The following PRSS55 variants were observed in gnomAD, a reference collection of about 807,000 sequenced individuals.
The protein encoded by PRSS55 is probable serine protease UNQ9391/PRO34284.
PRSS55 carries 41 observed loss-of-function variants against 23.6 expected under a neutral mutation model. The observed-to-expected ratio is 1.74, with a 90% CI of 1.35 to 2.26. The LOEUF is 2.26. PRSS55 is among the 30% of genes most tolerant of loss of function. The pLI, the probability that PRSS55 is intolerant of heterozygous loss-of-function variation, is 0.00. For synonymous variants in PRSS55, 262 were observed against 175.5 expected (o/e 1.49, Z -3.90); for missense variants, 669 against 439.1 (o/e 1.52, Z -4.68).
At chr8:10,534,369 G>T (rs991308966) in intron 4 of PRSS55, among the ~76,000 whole-genome samples, 9 of 152,156 alleles carry the variant, frequency 5.9e-5, no homozygotes, top group African/African-American at 2.2e-4. Context: ...AACATTAACT[G>T]TCCTCCCTGA....
In PRSS55 at chr8:10,532,943, G is replaced by T; in HGVS notation, c.636G>T (p.Ala212=). 1 of 1,614,202 alleles carries T rather than the reference G, an allele frequency of 6.2e-7. No homozygotes were observed. ...KNSVKTDLMK[A]PMVIMDWEEC... ...CTGTGAAAACGGATCTGATGAAAGC[G>T]CCAATGGTCATCATGGACTGGGAGG... Residue 212 remains alanine, a synonymous_variant, in exon 4 of 5, where the codon GCG becomes GCT. Transcript: ENST00000328655.
intron 4 of PRSS55, among the ~76,000 whole-genome samples, chr8:10,534,856 A>G (rs531040417): frequency 6.6e-6 from 1 of 152,338 alleles, no homozygotes; most frequent in Admixed American, 6.5e-5. Context: ...CTGATAAGCA[A>G]CTTCAGCAAA....
intron 4 of PRSS55, among the ~76,000 whole-genome samples, chr8:10,549,721 C>T (rs1455372462): frequency 6.6e-6 from 1 of 152,174 alleles, no homozygotes. Flanking sequence ...GTCTCTCCCC[C>T]TGACTTTGGA....
downstream of PRSS55, chr8:10,540,249 C>T (rs922320169): frequency 1.3e-5 from 2 of 152,302 alleles, no homozygotes; most frequent in Non-Finnish European, 2.9e-5. Context: ...CTGTCTTCCC[C>T]TCATGTAGAC....
chr8:10,549,928 T>C (rs1307185562), intron 4 of PRSS55, among the ~76,000 whole-genome samples: 4 of 152,220 alleles, frequency 2.6e-5, no homozygotes, highest in African/African-American at 7.2e-5. Flanking sequence ...TTATCTTTTA[T>C]TTTTAATTTT....
intron 4 of PRSS55, among the ~76,000 whole-genome samples, chr8:10,536,782 C>T (rs781008697): frequency 6.6e-6 from 1 of 152,190 alleles, no homozygotes; most frequent in Non-Finnish European, 1.5e-5. Context: ...CCAAATATCG[C>T]ATGTTCTCAC....
At chr8:10,543,949 C>G (rs1252805068) in intron 4 of PRSS55, among the ~76,000 whole-genome samples, 1 of 152,156 alleles carries the variant, frequency 6.6e-6, no homozygotes, top group Non-Finnish European at 1.5e-5. Flanking sequence ...AGAATATGAT[C>G]TATCCTAAAG....
At chr8:10,535,171 C>T (rs1392232232) in intron 4 of PRSS55, among the ~76,000 whole-genome samples, 1 of 152,132 alleles carries the variant, frequency 6.6e-6, no homozygotes, top group Non-Finnish European at 1.5e-5. Context: ...AATACTATCC[C>T]TATCAAACTA....
At chr8:10,531,662 G>A in intron 3 of PRSS55, 117 bp downstream of exon 3, 1 of 1,421,612 alleles carries the variant, frequency 7.0e-7, no homozygotes, top group South Asian at 1.4e-5. Context: ...CCGCTCAGTG[G>A]AGTCTCACAG....
chr8:10,540,176 G>A (rs73195186), downstream of PRSS55: 2,698 of 152,456 alleles, frequency 0.018, 32 homozygotes, highest in Non-Finnish European at 0.027. Context: ...CCTGCAGCAT[G>A]CAACTGCACG....
chr8:10,526,490 G>A (rs1372413799), intron 1 of PRSS55, among the ~76,000 whole-genome samples: 1 of 152,246 alleles, frequency 6.6e-6, no homozygotes, highest in Non-Finnish European at 1.5e-5. Flanking sequence ...ACTGCACTCT[G>A]TGTGAACAAG....
downstream of PRSS55, chr8:10,538,830 G>T (rs774036352): frequency 3.3e-6 from 5 of 1,505,994 alleles, no homozygotes; most frequent in Non-Finnish European, 4.4e-6. Context: ...CCGAGGGAGG[G>T]TGCATGCAAG....
Position 10,538,655 on chromosome 8 carries a change from T to C in PRSS55, c.921T>C (p.Asn307=), listed in dbSNP as rs773195990. 1.2e-6 allele frequency: 2 copies of C among 1,613,956 alleles called. No individual in the cohort carries two copies. Among genetic ancestry groups the C allele is most frequent in the Admixed American group, 1.7e-5 (1 of 60,004 alleles). ...KVTQLEGRPF[N]AEKRRTSVKQ... ...CCCAGCTAGAGGGCAGGCCCTTCAA[T>C]GCAGAGAAAAGGAGGACTTCTGTCA... The change falls in exon 5 of 5, where the codon AAT becomes AAC. Residue 307 remains asparagine (N), a synonymous_variant. Transcript: ENST00000328655.
At chr8:10,543,002 C>G (rs1173797334), downstream of PRSS55, among the ~76,000 whole-genome samples, 1 of 152,012 alleles carries the variant, frequency 6.6e-6, no homozygotes, top group Non-Finnish European at 1.5e-5. Context: ...GGGGAACCCT[C>G]TTCCTTATTG....
intron 2 of PRSS55, among the ~76,000 whole-genome samples, chr8:10,530,853 G>C (rs1009051725): frequency 3.3e-5 from 5 of 152,136 alleles, no homozygotes; most frequent in Non-Finnish European, 7.3e-5. Context: ...CTTGGTCAGT[G>C]GCAGGTCTAG....
At chr8:10,532,338 T>G (rs186654513) in intron 3 of PRSS55, among the ~76,000 whole-genome samples, 29 of 152,264 alleles carry the variant, frequency 1.9e-4, no homozygotes, top group African/African-American at 6.7e-4. Context: ...GGAAGAAATG[T>G]GAAATCTCTT....
chr8:10,529,742 ACCCCTGGGGCACCCT>A (rs1319040266), intron 2 of PRSS55, 43 bp downstream of exon 2: 24 of 1,563,794 alleles, frequency 1.5e-5, no homozygotes, highest in Non-Finnish European at 1.7e-5. Flanking sequence ...CAGGGCGCCC[ACCCCTGGGGCACCCT>A]CCCCCTCACC....
downstream of PRSS55, among the ~76,000 whole-genome samples, chr8:10,543,434 TCC>T (rs60596495): frequency 0.06 from 882 of 14,746 alleles, 23 homozygotes; most frequent in African/African-American, 0.079. Context: ...CTTCCTTCCT[TCC>T]TTCCTTCCAT....
chr8:10,531,522 C>A lies in PRSS55; in HGVS notation c.575C>A (p.Ala192Glu). ...GPATWRECWV[A>E]GWGQTNAADK... ...GCCACATGGCGCGAATGCTGGGTGG[C>A]AGGTTGGGGCCAGACCAATGCTGGT... Residue 192 changes from alanine (A) to glutamate (E), a missense_variant, in exon 3 of 5, where the codon GCA (alanine) becomes GAA (glutamate). By Grantham distance (107) the Ala-to-Glu change is moderately radical. Transcript: ENST00000328655. 6.2e-7 allele frequency: 1 copy of A among 1,613,708 alleles called. No individual in the cohort carries two copies. Among genetic ancestry groups the A allele is most frequent in the African/African-American group, 1.3e-5 (1 of 75,074 alleles).
Sources: allele counts gnomAD v4.1 joint callset (sites outside exome capture counted in the v4.1 genomes callset), GRCh38; gene constraint gnomAD v4.1.1; transcripts MANE v1.5; gene names NCBI Gene and HGNC (gene_info 2026-07-23, HGNC 2026-07-21).